The following DMXL1 variants were observed in gnomAD, a reference collection of about 807,000 sequenced individuals.
The protein encoded by DMXL1 is dmX-like protein 1.
Under a neutral mutation model 319.2 loss-of-function variants are expected in DMXL1, and 99 were observed. That is an observed-to-expected ratio of 0.31 (90% CI 0.26 to 0.37). DMXL1 has a LOEUF of 0.37. Ranked by LOEUF, DMXL1 falls within the 10% of genes least tolerant of loss-of-function variation. DMXL1 has a pLI of 1.00. For synonymous variants in DMXL1, 1,385 were observed against 1,235.2 expected (o/e 1.12, Z -2.54); for missense variants, 3,745 against 3,595.6 (o/e 1.04, Z -1.06).
At chr5:119,110,422 C>G in intron 5 of DMXL1, 139 bp downstream of exon 5, 1 of 694,466 alleles carries the variant, frequency 1.4e-6, no homozygotes, top group Non-Finnish European at 2.2e-6. Context: ...TTCTTATACA[C>G]AGATAATTCT....
At chr5:119,094,144 C>G (rs1755410555) in intron 1 of DMXL1, among the ~76,000 whole-genome samples, 1 of 152,180 alleles carries the variant, frequency 6.6e-6, no homozygotes, top group African/African-American at 2.4e-5. Flanking sequence ...GATGAAACAG[C>G]CTTCTGTTGG....
intron 2 of DMXL1, among the ~76,000 whole-genome samples, chr5:119,098,416 T>C (rs1475652403): frequency 6.6e-6 from 1 of 151,114 alleles, no homozygotes; most frequent in Non-Finnish European, 1.5e-5. Flanking sequence ...ATCTTCAATA[T>C]TTACAAATAA....
chr5:119,225,778 T>C (rs929049905), intron 38 of DMXL1, among the ~76,000 whole-genome samples: 1 of 152,078 alleles, frequency 6.6e-6, no homozygotes, highest in African/African-American at 2.4e-5. Context: ...TATAAAAAAT[T>C]TGTCTGTTTT....
chr5:119,238,863 G>A (rs1277258958), intron 40 of DMXL1, 126 bp from the exon 41 acceptor site: 1 of 1,450,592 alleles, frequency 6.9e-7, no homozygotes, highest in African/African-American at 1.4e-5. Flanking sequence ...AAAGTTCAAA[G>A]GAAAAAAACG....
intron 13 of DMXL1, 63 bp from the exon 14 acceptor site, chr5:119,143,775 TTTG>T (rs1414289720): frequency 5.6e-6 from 6 of 1,080,760 alleles, no homozygotes; most frequent in Non-Finnish European, 8.0e-6. Context: ...TGCTTGAAAT[TTTG>T]TTATTTACTC....
chr5:119,165,507 G>A (rs977729367), intron 21 of DMXL1, among the ~76,000 whole-genome samples: 3 of 152,194 alleles, frequency 2.0e-5, no homozygotes, highest in African/African-American at 7.2e-5. Context: ...TATCAATCCA[G>A]AAACAATATT....
chr5:119,213,716 G>A (rs1184231703), intron 34 of DMXL1, among the ~76,000 whole-genome samples: 2 of 152,020 alleles, frequency 1.3e-5, no homozygotes, highest in Non-Finnish European at 2.9e-5. Context: ...TTATTCACCA[G>A]ATATCACATT....
At chr5:119,175,417 CTA>C in intron 26 of DMXL1, 80 bp downstream of exon 26, 2 of 965,920 alleles carry the variant, frequency 2.1e-6, no homozygotes, top group South Asian at 1.5e-5. Context: ...TGGTTTAGAA[CTA>C]TATATAACAG....
chr5:119,164,096 G>GTT lies in DMXL1; in HGVS notation c.4703-397_4703-396dup, dbSNP rs746909307. On this transcript the variant is annotated intron_variant, in intron 19 of 43. Coordinates refer to ENST00000539542, the MANE Select transcript of DMXL1 (RefSeq NM_001290321.3). ...CATCAACCTGAACTGCTTGCTTGATGTTTTTTTTTTTTTTTACTAATTCCA... is the reference window on the plus strand; with the variant it reads ...CATCAACCTGAACTGCTTGCTTGATGTTTTTTTTTTTTTTTTTACTAATTCCA... Among the ~76,000 whole-genome samples the GTT allele has an allele frequency of 8.9e-3, 1,295 of 146,186 alleles. 22 individuals are homozygous for GTT. The highest frequency in any genetic ancestry group is 0.03 in the African/African-American group (1,175 of 39,780).
intron 13 of DMXL1, among the ~76,000 whole-genome samples, chr5:119,136,639 G>A (rs965576092): frequency 6.6e-6 from 1 of 152,262 alleles, no homozygotes. Context: ...GGGATTCAGT[G>A]CCCTGCCTCC....
Position 119,166,634 on chromosome 5 carries a change from G to T in DMXL1, c.4989G>T (p.Arg1663Ser), listed in dbSNP as rs758320381. ...TTTATAGAGCTGAAAAAAACACCAG[G>T]ATGACACAGTTTTTTGGACACAATT... ...WGLYRAEKNT[R>S]MTQFFGHNFE... The change falls in exon 22 of 44, where the codon AGG (arginine) becomes AGT (serine). Residue 1663 changes from arginine to serine, a missense_variant. Physicochemically the swap from Arg to Ser is moderately radical, Grantham distance 110 (BLOSUM62 -1). This residue lies in a region of DMXL1 where 2,096 missense variants were observed against 1,985.4 expected (regional missense o/e 1.06). Transcript: ENST00000539542. The T allele has an allele frequency of 6.2e-7, 1 of 1,608,156 alleles. No individual in the cohort carries two copies. Among genetic ancestry groups the T allele is most frequent in the Non-Finnish European group, 8.5e-7 (1 of 1,178,164 alleles).
Position 119,240,443 on chromosome 5 carries a change from T to G in DMXL1, c.8676T>G (p.Leu2892=), listed in dbSNP as rs767883419. The change falls in exon 42 of 44, where the codon CTT becomes CTG. Residue 2892 remains leucine, a synonymous_variant. Coordinates refer to ENST00000539542, the MANE Select transcript of DMXL1 (RefSeq NM_001290321.3). ...GAAACGTATGTTTGTGGGATACTCT[T>G]GTAGCACCTGCCAATAGTTTAGTCC... ...DNRNVCLWDT[L]VAPANSLVHA... is the part of the protein sequence containing the mutation. 1 of 1,609,860 alleles carries G rather than the reference T, an allele frequency of 6.2e-7. No individual in the cohort carries two copies. The highest frequency in any genetic ancestry group is 1.7e-5 in the Admixed American group (1 of 59,418).
intron 29 of DMXL1, among the ~76,000 whole-genome samples, chr5:119,190,139 T>G (rs1284161386): frequency 1.3e-5 from 2 of 152,126 alleles, no homozygotes; most frequent in Non-Finnish European, 2.9e-5. Flanking sequence ...TTATTATATT[T>G]CTTATAAGAT....
intron 1 of DMXL1, among the ~76,000 whole-genome samples, chr5:119,090,867 CCT>C (rs1396291914): frequency 7.9e-5 from 12 of 151,668 alleles, no homozygotes; most frequent in Non-Finnish European, 1.8e-4. Flanking sequence ...GCCTGGCAGT[CCT>C]CTGTGTGTTT....
intron 1 of DMXL1, among the ~76,000 whole-genome samples, chr5:119,088,113 A>C (rs1369284155): frequency 2.0e-5 from 3 of 152,110 alleles, no homozygotes; most frequent in African/African-American, 7.2e-5. Context: ...TGTTTGCTTT[A>C]TATGCTTGAG....
chr5:119,152,765 GA>G (rs1425344297), intron 19 of DMXL1, among the ~76,000 whole-genome samples: 1 of 152,134 alleles, frequency 6.6e-6, no homozygotes, highest in Non-Finnish European at 1.5e-5. Flanking sequence ...TCAAGAAATA[GA>G]GCTGACTTTC....
chr5:119,230,408 G>A (rs1245397731), intron 38 of DMXL1, among the ~76,000 whole-genome samples: 2 of 152,144 alleles, frequency 1.3e-5, no homozygotes, highest in East Asian at 1.9e-4. Flanking sequence ...TATTTTAAGT[G>A]CGTTAGATAT....
At position 119,239,971 on chromosome 5, in the gene DMXL1, A is replaced by C. The variant is rs182952241; in HGVS notation, c.8652-448A>C. Among the ~76,000 whole-genome samples, 578 of 151,406 alleles carry C rather than the reference A, an allele frequency of 3.8e-3. 2 individuals carry two copies. The highest frequency in any genetic ancestry group is 0.014 in the African/African-American group (561 of 41,282). On this transcript the variant is annotated intron_variant, in intron 41 of 43. Transcript: ENST00000539542. ...TAAAACTCCATCTCAAAAAAAAAAA[A>C]AAACAAAAAATTGTAGCCAGAGCAT...
chr5:119,183,883 G>A (rs907060684), intron 28 of DMXL1, among the ~76,000 whole-genome samples: 2 of 152,116 alleles, frequency 1.3e-5, no homozygotes, highest in Non-Finnish European at 2.9e-5. Context: ...TTATACAAGA[G>A]TAGAGAAAGC....
Sources: allele counts gnomAD v4.1 joint callset (sites outside exome capture counted in the v4.1 genomes callset), GRCh38; gene constraint gnomAD v4.1.1; regional missense constraint gnomAD v4.1.1; transcripts MANE v1.5; gene names NCBI Gene and HGNC (gene_info 2026-07-23, HGNC 2026-07-21).